FAM13B: variants seen among roughly 807,000 people sequenced by gnomAD.
The protein encoded by FAM13B is family with sequence similarity 13 member B, also known as protein FAM13B.
A neutral mutation model predicts 117.3 loss-of-function variants in FAM13B; 60 were observed. The observed-to-expected ratio is 0.51, with a 90% CI of 0.42 to 0.63. The LOEUF (loss-of-function observed/expected upper bound fraction) is 0.63, where lower values mean the gene tolerates loss of function less well. Among genes scored for constraint, FAM13B ranks in the 30% least tolerant of loss-of-function variants. FAM13B has a pLI of 0.00. For missense variants in FAM13B, 972 were observed against 1,091.9 expected (o/e 0.89, Z 1.55); for synonymous variants, 332 against 356.1 (o/e 0.93, Z 0.76).
At position 138,007,138 on chromosome 5, in the gene FAM13B, G is replaced by A; in HGVS notation, c.700C>T (p.Leu234Phe). 6.2e-7 allele frequency: 1 copy of A among 1,606,796 alleles called. No homozygotes were observed. The highest frequency in any genetic ancestry group is 2.2e-5 in the East Asian group (1 of 44,726). Residue 234 changes from leucine to phenylalanine, a missense_variant, in exon 7 of 24, where the codon CTT (leucine) becomes TTT (phenylalanine). Physicochemically the swap from Leu to Phe is conservative, Grantham distance 22. Coordinates refer to ENST00000689681, the MANE Select transcript of FAM13B (RefSeq NM_001385994.1). ...LSSITEQVNE[L>F]SEEEEEDEKL... ...TCATCTTCCTCTTCTTCCTCAGAAA[G>A]TTCATTAACCTATATAAATAAAAAG...
In FAM13B at chr5:137,938,274, CTT is replaced by C. The variant is rs1760724905; in HGVS notation, c.*1949_*1950del. 1 of 152,354 alleles carries C rather than the reference CTT, an allele frequency of 6.6e-6. No individual in the cohort carries two copies. Among genetic ancestry groups the C allele is most frequent in the Non-Finnish European group, 1.5e-5 (1 of 68,018 alleles). The allele number at this position is 152,354 out of a possible 1,614,324, so 9.4% of individuals were successfully genotyped here. A position where few individuals can be genotyped will look rare whatever the true frequency, so the allele number is the denominator to read the frequency against. Reference sequence around the variant, plus strand: ...AAAATGAAACCAGTCAGACCACTGACTTATAAAAATATGGTACTCATATAGAT... The same window carrying C: ...AAAATGAAACCAGTCAGACCACTGACATAAAAATATGGTACTCATATAGAT... On this transcript the variant is annotated 3_prime_UTR_variant, in exon 24 of 24. Transcript: ENST00000689681.
chr5:137,964,206 G>A (rs1202825249), intron 10 of FAM13B, among the ~76,000 whole-genome samples: 4 of 151,986 alleles, frequency 2.6e-5, no homozygotes, highest in Non-Finnish European at 5.9e-5. Flanking sequence ...TACAGGTGTG[G>A]TGCCAGGACA....
rs144873062 is a variant in FAM13B, at chr5:138,050,887, T to C, written c.-203+991A>G. Among the ~76,000 whole-genome samples, 10 of 152,356 alleles carry C rather than the reference T, an allele frequency of 6.6e-5. 1 individual carries two copies. In the East Asian group the frequency reaches 1.9e-3, roughly 29 times the overall value. On this transcript the variant is annotated intron_variant, in intron 1 of 3. Coordinates refer to the FAM13B transcript ENST00000502471. ...GTCTAAATTCACATCTTCACCCTTC[T>C]GTTAAATTGTTTTTACAAATACAAA...
At chr5:137,944,915 A>T (rs1763026325) in intron 20 of FAM13B, among the ~76,000 whole-genome samples, 1 of 151,588 alleles carries the variant, frequency 6.6e-6, no homozygotes, top group African/African-American at 2.4e-5. Flanking sequence ...TCATGGACAT[A>T]AAAAAAAGGC....
intron 1 of FAM13B, among the ~76,000 whole-genome samples, chr5:138,048,851 C>G (rs1161973922): frequency 1.3e-5 from 2 of 151,958 alleles, no homozygotes; most frequent in Non-Finnish European, 2.9e-5. Flanking sequence ...GTACCCCATG[C>G]AGACCTTTGC....
At chr5:137,953,939 C>A (rs1292324538) in intron 15 of FAM13B, among the ~76,000 whole-genome samples, 1 of 152,066 alleles carries the variant, frequency 6.6e-6, no homozygotes, top group Non-Finnish European at 1.5e-5. Flanking sequence ...CTACACCTCA[C>A]TGAACTCAGC....
intron 12 of FAM13B, 126 bp downstream of exon 12, chr5:137,960,038 CTG>C: frequency 1.4e-6 from 1 of 704,408 alleles, no homozygotes; most frequent in Non-Finnish European, 2.4e-6. Context: ...TGCTGTTTAA[CTG>C]TAAAATATTT....
intron 9 of FAM13B, among the ~76,000 whole-genome samples, chr5:137,986,151 G>C (rs1246689715): frequency 1.3e-5 from 2 of 149,482 alleles, no homozygotes; most frequent in Non-Finnish European, 3.0e-5. Context: ...TTCTAATCAT[G>C]CCTTCAAAGT....
At chr5:137,978,818 A>G (rs1224750953) in intron 10 of FAM13B, among the ~76,000 whole-genome samples, 1 of 152,138 alleles carries the variant, frequency 6.6e-6, no homozygotes, top group East Asian at 1.9e-4. Flanking sequence ...ATGAGCCTCC[A>G]CCACCAGCCA....
intron 10 of FAM13B, among the ~76,000 whole-genome samples, chr5:137,978,145 A>G (rs1774571002): frequency 3.3e-5 from 5 of 152,036 alleles, no homozygotes. Flanking sequence ...AAATGACTCA[A>G]CTATATCCTA....
rs535808473 is a variant in FAM13B at position 137,970,194 on chromosome 5, T to C, written c.1180-7725A>G. ...AAAGTTGAAACGAAGGAAAAAATGT[T>C]AAGGGCAGCCAGAGAGAAAGGTCGG... On this transcript the variant is annotated intron_variant, in intron 10 of 23. Transcript: ENST00000689681. 6.6e-4 allele frequency among the ~76,000 whole-genome samples: 100 copies of C among 151,738 alleles called. 1 individual carries two copies. The highest frequency in any genetic ancestry group is 3.4e-3 in the Middle Eastern group (1 of 294).
At chr5:137,961,874 T>C (rs895559766) in intron 11 of FAM13B, among the ~76,000 whole-genome samples, 2 of 142,560 alleles carry the variant, frequency 1.4e-5, no homozygotes, top group Admixed American at 7.0e-5. Context: ...AGGCTATCTA[T>C]TGAGACTCTA....
At chr5:137,995,875 T>C (rs890319114) in intron 7 of FAM13B, among the ~76,000 whole-genome samples, 2 of 152,206 alleles carry the variant, frequency 1.3e-5, no homozygotes, top group Non-Finnish European at 2.9e-5. Context: ...AATTTCCTCA[T>C]GACCCAGAGC....
At chr5:137,959,796 C>T (rs1361957796) in intron 12 of FAM13B, 33 bp from the exon 13 acceptor site, 2 of 1,604,006 alleles carry the variant, frequency 1.2e-6, no homozygotes, top group South Asian at 2.2e-5. Context: ...TATTTCACAA[C>T]TACGGAAGCT....
intron 7 of FAM13B, among the ~76,000 whole-genome samples, chr5:137,998,745 C>A (rs1561511395): frequency 6.6e-6 from 1 of 152,236 alleles, no homozygotes. Flanking sequence ...AACAAATGTG[C>A]CAACTATCTG....
chr5:137,986,984 A>T (rs969330707), intron 9 of FAM13B, among the ~76,000 whole-genome samples: 1 of 152,186 alleles, frequency 6.6e-6, no homozygotes, highest in African/African-American at 2.4e-5. Context: ...AGTTAATCTA[A>T]CAAAAACATA....
intron 18 of FAM13B, among the ~76,000 whole-genome samples, chr5:137,947,340 C>G (rs1763710382): frequency 6.6e-6 from 1 of 152,188 alleles, no homozygotes; most frequent in South Asian, 2.1e-4. Flanking sequence ...TGAGTGTAGT[C>G]TGTCAAATAC....
chr5:137,963,572 A>G (rs1327931030), intron 10 of FAM13B, among the ~76,000 whole-genome samples: 1 of 152,246 alleles, frequency 6.6e-6, no homozygotes, highest in African/African-American at 2.4e-5. Context: ...TGAGTCCCTG[A>G]GACCCAAAGT....
At chr5:137,972,459 T>A (rs1251849254) in intron 10 of FAM13B, among the ~76,000 whole-genome samples, 1 of 150,736 alleles carries the variant, frequency 6.6e-6, no homozygotes, top group Non-Finnish European at 1.5e-5. Context: ...GGGACGTATC[T>A]CAAAATAATA....
Sources: allele counts gnomAD v4.1 joint callset (sites outside exome capture counted in the v4.1 genomes callset), GRCh38; gene constraint gnomAD v4.1.1; transcripts MANE v1.5; gene names NCBI Gene and HGNC (gene_info 2026-07-23, HGNC 2026-07-21).